MACC1: variants seen among roughly 807,000 people sequenced by gnomAD.
The protein encoded by MACC1 is MET transcriptional regulator MACC1.
Under a neutral mutation model 70.7 loss-of-function variants are expected in MACC1, and 79 were observed. The ratio of observed to expected loss-of-function variants is 1.12; its 90% CI spans 0.93 to 1.35. MACC1 has a LOEUF of 1.35. MACC1 is among the 40% of genes most tolerant of loss of function. MACC1 has a pLI of 0.00. For missense variants in MACC1, 1,106 were observed against 978.1 expected (o/e 1.13, Z -1.74); for synonymous variants, 361 against 347.2 (o/e 1.04, Z -0.44).
In MACC1 at chr7:20,146,387, A is replaced by G. The variant is rs534480639; in HGVS notation, c.2347-5229T>C. Among the ~76,000 whole-genome samples, 4 of 152,338 alleles carry G rather than the reference A, an allele frequency of 2.6e-5. No homozygotes were observed. In the East Asian group the frequency reaches 7.7e-4, roughly 29 times the overall value. ...AATACATTTTATCCAAGGCAGAGAC[A>G]TAAGAGGTAATTTGTGTACATTAAT... On this transcript the variant is annotated intron_variant, in intron 6 of 6. Transcript: ENST00000400331.
At position 20,146,107 on chromosome 7, in the gene MACC1, G is replaced by C. The variant is rs895860663; in HGVS notation, c.2347-4949C>G. ...ACCCAGGTGGCAGAGGTTGCAGTGAGGCAAGATCATGCCACTGCACTCCAG... is the reference window on the plus strand; with the variant it reads ...ACCCAGGTGGCAGAGGTTGCAGTGACGCAAGATCATGCCACTGCACTCCAG... On this transcript the variant is annotated intron_variant, in intron 6 of 6. Coordinates refer to ENST00000400331, the MANE Select transcript of MACC1 (RefSeq NM_182762.4). Among the ~76,000 whole-genome samples, 3 of 150,732 alleles carry C rather than the reference G, an allele frequency of 2.0e-5. No homozygotes were observed. The Admixed American group carries it at 2.0e-4, about 10-fold the overall frequency.
chr7:20,151,774 C>T (rs1781982020), intron 6 of MACC1, among the ~76,000 whole-genome samples: 1 of 152,136 alleles, frequency 6.6e-6, no homozygotes, highest in African/African-American at 2.4e-5. Flanking sequence ...AGTATCATGG[C>T]TACTTGACAT....
In MACC1 at chr7:20,159,540, T is replaced by G. The variant is rs1782109829; in HGVS notation, c.821A>C (p.Glu274Ala). The change falls in exon 5 of 7, where the codon GAA (glutamate) becomes GCA (alanine). Residue 274 changes from glutamate to alanine, a missense_variant. Coordinates refer to ENST00000400331, the MANE Select transcript of MACC1 (RefSeq NM_182762.4). ...DLSCTVSPLL[E>A]IMLGNLNTME... ...TGTATTGAGGTTGCCTAACATGATTTCCAACAACGGGCTCACAGTGCACGA... is the reference window on the plus strand; with the variant it reads ...TGTATTGAGGTTGCCTAACATGATTGCCAACAACGGGCTCACAGTGCACGA... 12 of 1,614,156 alleles carry G rather than the reference T, an allele frequency of 7.4e-6. No individual in the cohort carries two copies. The highest frequency in any genetic ancestry group is 1.0e-5 in the Non-Finnish European group (12 of 1,180,026).
At chr7:20,188,792 G>A (rs886417365) in intron 1 of MACC1, among the ~76,000 whole-genome samples, 11 of 152,262 alleles carry the variant, frequency 7.2e-5, no homozygotes, top group East Asian at 1.9e-4. Flanking sequence ...GTCATCATGC[G>A]AGGCAGCTTA....
intron 6 of MACC1, 83 bp downstream of exon 6, chr7:20,154,110 G>A (rs878964312): frequency 7.8e-6 from 11 of 1,415,848 alleles, no homozygotes; most frequent in African/African-American, 2.8e-5. Context: ...CAGTGAATCC[G>A]TGAATGTGGT....
chr7:20,213,577 T>C (rs1264129761), intron 1 of MACC1, among the ~76,000 whole-genome samples: 1 of 152,188 alleles, frequency 6.6e-6, no homozygotes, highest in African/African-American at 2.4e-5. Flanking sequence ...ATATACACCA[T>C]GGAATACTAC....
At chr7:20,151,031 G>A (rs1781968270) in intron 6 of MACC1, among the ~76,000 whole-genome samples, 1 of 148,814 alleles carries the variant, frequency 6.7e-6, no homozygotes, top group Non-Finnish European at 1.5e-5. Flanking sequence ...CTGGGTGACA[G>A]AGCCAGACAC....
At chr7:20,200,023 ATGTGTG>A (rs57904550) in intron 1 of MACC1, among the ~76,000 whole-genome samples, 4 of 149,170 alleles carry the variant, frequency 2.7e-5, no homozygotes, top group South Asian at 2.1e-4. Flanking sequence ...CTATACCATT[ATGTGTG>A]TGTGTGTGTG....
At chr7:20,189,750 AAC>A (rs72116191) in intron 1 of MACC1, among the ~76,000 whole-genome samples, 13 of 117,628 alleles carry the variant, frequency 1.1e-4, no homozygotes, top group South Asian at 2.7e-4. Context: ...CAAACACATA[AAC>A]ACACACACAC....
intron 1 of MACC1, among the ~76,000 whole-genome samples, chr7:20,191,430 G>T (rs994278062): frequency 6.6e-6 from 1 of 152,042 alleles, no homozygotes; most frequent in Non-Finnish European, 1.5e-5. Context: ...TTTTGCAGCA[G>T]TCTGGAAATG....
At position 20,140,668 on chromosome 7, in the gene MACC1, C is replaced by G. The variant is rs1339270528; in HGVS notation, c.*278G>C. 11 of 320,768 alleles carry G rather than the reference C, an allele frequency of 3.4e-5. No homozygotes were observed. Among genetic ancestry groups the G allele is most frequent in the African/African-American group, 2.1e-4 (10 of 47,168 alleles). 19.9% of individuals were successfully genotyped at this position (320,768 alleles called of 1,614,324 possible). ...AGCAGCCTAATACTTGTATTTGAAA[C>G]ATACACAAAAATACATATTTGAGGA... On this transcript the variant is annotated 3_prime_UTR_variant, in exon 7 of 7. Coordinates refer to ENST00000400331, the MANE Select transcript of MACC1 (RefSeq NM_182762.4).
At chr7:20,162,144 G>GACAACA (rs150965300) in intron 3 of MACC1, among the ~76,000 whole-genome samples, 2 of 151,618 alleles carry the variant, frequency 1.3e-5, no homozygotes, top group African/African-American at 4.8e-5. Flanking sequence ...GAATTCCAAG[G>GACAACA]ACAACAACAA....
At chr7:20,184,610 G>C (rs538646113) in intron 1 of MACC1, among the ~76,000 whole-genome samples, 2 of 152,046 alleles carry the variant, frequency 1.3e-5, no homozygotes, top group African/African-American at 2.4e-5. Flanking sequence ...GCTATTTCTT[G>C]GGTATCTGTT....
intron 1 of MACC1, among the ~76,000 whole-genome samples, chr7:20,199,627 T>A (rs887179297): frequency 1.3e-5 from 2 of 152,138 alleles, no homozygotes; most frequent in African/African-American, 4.8e-5. Flanking sequence ...AAGGAAGTCT[T>A]CAAATGAAAC....
At chr7:20,191,158 A>C (rs1333525776) in intron 1 of MACC1, among the ~76,000 whole-genome samples, 1 of 152,214 alleles carries the variant, frequency 6.6e-6, no homozygotes, top group Non-Finnish European at 1.5e-5. Flanking sequence ...AGCAGAGGGG[A>C]CTATTTACAA....
At chr7:20,211,277 A>G (rs1259556508) in intron 1 of MACC1, among the ~76,000 whole-genome samples, 1 of 152,048 alleles carries the variant, frequency 6.6e-6, no homozygotes, top group Non-Finnish European at 1.5e-5. Flanking sequence ...TAATTAAATA[A>G]TATAATATAA....
In MACC1 at chr7:20,156,692, A is replaced by T. The variant is rs141277021; in HGVS notation, c.2157+1512T>A. The stretch of plus-strand genomic sequence containing the variant: ...ATCTATCAACTTAGCAACTGGATAT[A>T]GGAGCTTTTGAATTTCAACTTCTCT... On this transcript the variant is annotated intron_variant, in intron 5 of 6. Transcript: ENST00000400331. Among the ~76,000 whole-genome samples the T allele has an allele frequency of 9.3e-4, 141 of 152,336 alleles. 1 individual carries two copies. The highest frequency in any genetic ancestry group is 3.3e-3 in the African/African-American group (136 of 41,582).
intron 6 of MACC1, among the ~76,000 whole-genome samples, chr7:20,147,226 A>C (rs1027806249): frequency 6.6e-6 from 1 of 152,232 alleles, no homozygotes; most frequent in Non-Finnish European, 1.5e-5. Context: ...AGCCAATAAG[A>C]CTCATTAGAA....
chr7:20,177,778 T>C (rs1164778625), intron 1 of MACC1, among the ~76,000 whole-genome samples: 2 of 151,098 alleles, frequency 1.3e-5, no homozygotes, highest in African/African-American at 4.9e-5. Context: ...GGGGAAGTCA[T>C]AAATCCAATG....
Sources: allele counts gnomAD v4.1 joint callset (sites outside exome capture counted in the v4.1 genomes callset), GRCh38; gene constraint gnomAD v4.1.1; transcripts MANE v1.5; gene names NCBI Gene and HGNC (gene_info 2026-07-23, HGNC 2026-07-21).